CENPP: variants seen among roughly 807,000 people sequenced by gnomAD.
The protein encoded by CENPP is centromere protein P.
CENPP carries 24 observed loss-of-function variants against 35.6 expected under a neutral mutation model. That is an observed-to-expected ratio of 0.67 (90% CI 0.49 to 0.95). CENPP has a LOEUF of 0.95. CENPP is among the 40% of genes least tolerant of loss of function. The probability of loss-of-function intolerance (pLI) is 0.00; values close to 1 mark genes in which losing one functional copy is unlikely to be tolerated. For synonymous variants in CENPP, 120 were observed against 125.5 expected (o/e 0.96, Z 0.29); for missense variants, 332 against 345.3 (o/e 0.96, Z 0.31).
At chr9:92,403,439 T>C (rs765374914) in intron 5 of CENPP, 4 of 1,586,378 alleles carry the variant, frequency 2.5e-6, no homozygotes, top group Non-Finnish European at 3.4e-6. Context: ...TGGAAGTTAA[T>C]AAACTAGTGG....
chr9:92,340,780 C>T (rs1047628465), intron 3 of CENPP, among the ~76,000 whole-genome samples: 2 of 152,008 alleles, frequency 1.3e-5, no homozygotes, highest in Non-Finnish European at 2.9e-5. Flanking sequence ...TGTATATCAC[C>T]TCAGGACCCT....
chr9:92,457,297 A>G, intron 5 of CENPP: 1 of 1,613,774 alleles, frequency 6.2e-7, no homozygotes, highest in Non-Finnish European at 8.5e-7. Flanking sequence ...ATTACATTCC[A>G]AAGTTCCCAA....
chr9:92,416,098 A>AC, intron 5 of CENPP, among the ~76,000 whole-genome samples: 1 of 133,520 alleles, frequency 7.5e-6, no homozygotes, highest in East Asian at 2.1e-4. Context: ...TTATTTATTT[A>AC]TTTTATTTTT....
chr9:92,602,773 C>T (rs1286246525), intron 5 of CENPP, among the ~76,000 whole-genome samples: 40 of 152,010 alleles, frequency 2.6e-4, no homozygotes, highest in Admixed American at 2.4e-3. Flanking sequence ...TGTGAACAGG[C>T]GGCAGCTTCT....
intron 5 of CENPP, among the ~76,000 whole-genome samples, chr9:92,582,973 C>T (rs1850464512): frequency 6.6e-6 from 1 of 152,168 alleles, no homozygotes; most frequent in Non-Finnish European, 1.5e-5. Flanking sequence ...TTACTCTCCT[C>T]TCCCAAAAGG....
chr9:92,491,497 G>A (rs1250576541), intron 5 of CENPP, among the ~76,000 whole-genome samples: 1 of 152,110 alleles, frequency 6.6e-6, no homozygotes, highest in African/African-American at 2.4e-5. Flanking sequence ...CCCTTCTCTT[G>A]TAGGCCCCTT....
At chr9:92,357,725 C>T (rs72752406) in intron 4 of CENPP, among the ~76,000 whole-genome samples, 4,783 of 152,028 alleles carry the variant, frequency 0.031, 113 homozygotes, top group South Asian at 0.083. Context: ...CTCCGATTCC[C>T]GACCTCAGGT....
chr9:92,607,146 CTA>C (rs1183420802), intron 5 of CENPP, among the ~76,000 whole-genome samples: 1 of 152,106 alleles, frequency 6.6e-6, no homozygotes, highest in Non-Finnish European at 1.5e-5. Context: ...ACTTACATTT[CTA>C]TGATTCATTA....
intron 5 of CENPP, chr9:92,466,513 G>A (rs1470486485): frequency 1.2e-5 from 20 of 1,613,924 alleles, no homozygotes; most frequent in Non-Finnish European, 1.7e-5. Context: ...CAACTTCTTT[G>A]TGGTTAGAAA....
intron 5 of CENPP, among the ~76,000 whole-genome samples, chr9:92,392,883 A>G (rs1331997405): frequency 6.6e-6 from 1 of 152,234 alleles, no homozygotes; most frequent in Non-Finnish European, 1.5e-5. Context: ...TGAAGTCACC[A>G]GTAAAGAAAG....
intron 5 of CENPP, among the ~76,000 whole-genome samples, chr9:92,446,401 G>A (rs1844552947): frequency 6.6e-6 from 1 of 152,150 alleles, no homozygotes; most frequent in Non-Finnish European, 1.5e-5. Context: ...AAACTATAAT[G>A]AATGCCTCCA....
intron 5 of CENPP, among the ~76,000 whole-genome samples, chr9:92,394,697 C>T (rs764697424): frequency 6.6e-6 from 1 of 150,554 alleles, no homozygotes; most frequent in African/African-American, 2.5e-5. Flanking sequence ...CTCCGCCTCC[C>T]GGGTTCAAGC....
chr9:92,557,370 T>C (rs563150501), intron 5 of CENPP, among the ~76,000 whole-genome samples: 2 of 152,360 alleles, frequency 1.3e-5, no homozygotes, highest in South Asian at 4.1e-4. Context: ...TCTGGCTCTC[T>C]AGCTAGGCTG....
intron 5 of CENPP, among the ~76,000 whole-genome samples, chr9:92,550,124 G>A (rs146229415): frequency 4.6e-5 from 7 of 152,274 alleles, no homozygotes; most frequent in African/African-American, 9.6e-5. Flanking sequence ...TGGGCCGGGC[G>A]TGGTGGCTCA....
At chr9:92,534,612 C>T (rs1217994939) in intron 5 of CENPP, among the ~76,000 whole-genome samples, 1 of 152,114 alleles carries the variant, frequency 6.6e-6, no homozygotes, top group Non-Finnish European at 1.5e-5. Flanking sequence ...AATTAACATG[C>T]AGCATGTAAA....
chr9:92,437,697 G>A (rs1364440192), intron 5 of CENPP, among the ~76,000 whole-genome samples: 1 of 152,048 alleles, frequency 6.6e-6, no homozygotes, highest in Admixed American at 6.6e-5. Context: ...GAGCCATTGT[G>A]CCTAGGCTTT....
chr9:92,569,942 C>A (rs1307465277), intron 5 of CENPP, among the ~76,000 whole-genome samples: 3 of 152,174 alleles, frequency 2.0e-5, no homozygotes, highest in Non-Finnish European at 4.4e-5. Context: ...TATCCTGAGA[C>A]TTTGCTGAAG....
intron 4 of CENPP, among the ~76,000 whole-genome samples, chr9:92,351,147 G>C (rs1841429308): frequency 6.6e-6 from 1 of 152,104 alleles, no homozygotes; most frequent in Admixed American, 6.5e-5. Flanking sequence ...CATTCATTAT[G>C]TTGTACAACC....
intron 5 of CENPP, among the ~76,000 whole-genome samples, chr9:92,516,349 T>C (rs1847721171): frequency 6.6e-6 from 1 of 152,120 alleles, no homozygotes; most frequent in Non-Finnish European, 1.5e-5. Context: ...AGGTGTGAGC[T>C]ACCGTGCCCA....
Sources: gnomAD v4.1 joint callset for allele counts (sites outside exome capture counted in the v4.1 genomes callset) on GRCh38, gnomAD v4.1.1 for gene constraint, MANE v1.5 for transcripts, NCBI Gene and HGNC (gene_info 2026-07-23, HGNC 2026-07-21) for gene names.